The following COL23A1 variants were observed in gnomAD, a reference collection of about 807,000 sequenced individuals.
The protein encoded by COL23A1 is collagen alpha-1(XXIII) chain.
Under a neutral mutation model 99.3 loss-of-function variants are expected in COL23A1, and 97 were observed. The ratio of observed to expected loss-of-function variants is 0.98; its 90% CI spans 0.83 to 1.16. The LOEUF is 1.16. COL23A1 is among the 50% of genes most tolerant of loss of function. COL23A1 has a pLI of 0.00. For synonymous variants in COL23A1, 320 were observed against 308.2 expected (o/e 1.04, Z -0.40); for missense variants, 762 against 757.4 (o/e 1.01, Z -0.07).
rs972353051 is a variant in COL23A1, at chr5:178,589,795, CG to C, written c.294+108del. 9.3e-7 allele frequency: 1 copy of C among 1,077,018 alleles called. No individual in the cohort carries two copies. The highest frequency in any genetic ancestry group is 1.2e-6 in the Non-Finnish European group (1 of 851,334). The allele number at this position is 1,077,018 out of a possible 1,614,324, so 66.7% of individuals were successfully genotyped here. A position where few individuals can be genotyped will look rare whatever the true frequency, so the allele number is the denominator to read the frequency against. On this transcript the variant is annotated intron_variant, in intron 1 of 28. Transcript: ENST00000390654. The surrounding 1 kb of genome is among the most constrained non-coding windows in gnomAD (Gnocchi z 5.4). The stretch of plus-strand genomic sequence containing the variant: ...GACGGCCCCGAGCGCACGCAGCCGG[CG>C]GGCGACCCTCCTCCCAGAGACCTGC...
chr5:178,241,810 A>T (rs1764415425), intron 27 of COL23A1, among the ~76,000 whole-genome samples: 1 of 152,066 alleles, frequency 6.6e-6, no homozygotes, highest in Non-Finnish European at 1.5e-5. Context: ...AGCTCTACAG[A>T]GGGGCTGGGT....
intron 2 of COL23A1, among the ~76,000 whole-genome samples, chr5:178,537,819 G>A (rs1307396195): frequency 6.6e-6 from 1 of 152,246 alleles, no homozygotes; most frequent in Non-Finnish European, 1.5e-5. Flanking sequence ...GCAGCCACAA[G>A]TGCACGGCTC....
At chr5:178,572,851 AGAAT>A (rs1763175632) in intron 1 of COL23A1, among the ~76,000 whole-genome samples, 1 of 152,270 alleles carries the variant, frequency 6.6e-6, no homozygotes, top group South Asian at 2.1e-4. Context: ...GTAATGAAAA[AGAAT>A]GAATTAACTA....
intron 3 of COL23A1, among the ~76,000 whole-genome samples, chr5:178,302,454 T>C (rs1369739797): frequency 3.6e-4 from 50 of 137,140 alleles, no homozygotes; most frequent in East Asian, 6.7e-4. Flanking sequence ...CCTCTGTGTG[T>C]GCCGGAGCAC....
intron 2 of COL23A1, among the ~76,000 whole-genome samples, chr5:178,442,625 CCT>C (rs1766938244): frequency 6.6e-6 from 1 of 152,186 alleles, no homozygotes. Context: ...CGCTCAGTCC[CCT>C]GATGATTAAA....
chr5:178,314,512 A>AG (rs1758875029), intron 2 of COL23A1, among the ~76,000 whole-genome samples: 1 of 152,088 alleles, frequency 6.6e-6, no homozygotes, highest in Non-Finnish European at 1.5e-5. Context: ...CCCTGTTAGG[A>AG]GGGGCTGGGG....
In COL23A1 at chr5:178,572,072, C is replaced by CA. The variant is rs57863132; in HGVS notation, c.295-11325dup. On this transcript the variant is annotated intron_variant, in intron 1 of 28. Coordinates refer to ENST00000390654, the MANE Select transcript of COL23A1 (RefSeq NM_173465.4). Reference sequence around the variant, plus strand: ...GACAGAGCGAGACTCTTTCTCAAAACAAAAAAAAAAAAGACCTAAACTGAA... The same window carrying CA: ...GACAGAGCGAGACTCTTTCTCAAAACAAAAAAAAAAAAAGACCTAAACTGAA... 6.3e-4 allele frequency among the ~76,000 whole-genome samples: 69 copies of CA among 109,450 alleles called. 2 individuals carry two copies. Among genetic ancestry groups the CA allele is most frequent in the South Asian group, 1.8e-3 (6 of 3,362 alleles). 71.8% of individuals were successfully genotyped at this position (109,450 alleles called of 152,430 possible).
intron 2 of COL23A1, among the ~76,000 whole-genome samples, chr5:178,456,930 A>G (rs957389558): frequency 5.3e-5 from 8 of 152,230 alleles, no homozygotes; most frequent in Admixed American, 4.6e-4. Flanking sequence ...CAACAAGCCT[A>G]TGGCTGATAA....
chr5:178,378,240 C>G (rs1193643696), intron 2 of COL23A1: 1 of 152,198 alleles, frequency 6.6e-6, no homozygotes, highest in Non-Finnish European at 1.5e-5. Flanking sequence ...AAAAGAGCCA[C>G]AGTGGTAGCT....
intron 2 of COL23A1, among the ~76,000 whole-genome samples, chr5:178,535,978 C>T (rs1760917061): frequency 6.6e-6 from 1 of 152,264 alleles, no homozygotes; most frequent in African/African-American, 2.4e-5. Context: ...GGGTCATGAC[C>T]CATCAGGGCA....
At chr5:178,403,927 G>T (rs1225459055) in intron 2 of COL23A1, among the ~76,000 whole-genome samples, 1 of 152,244 alleles carries the variant, frequency 6.6e-6, no homozygotes, top group Non-Finnish European at 1.5e-5. Context: ...GGCTTGTCCA[G>T]CTTCTCGTAA....
At position 178,237,699 on chromosome 5, in the gene COL23A1, G is replaced by A. The variant is rs1489034432; in HGVS notation, c.*999C>T. The A allele has an allele frequency of 6.5e-6, 1 of 152,748 alleles. No homozygotes were observed. Among genetic ancestry groups the A allele is most frequent in the Non-Finnish European group, 1.5e-5 (1 of 68,124 alleles). The allele number at this position is 152,748 out of a possible 1,614,324, so 9.5% of individuals were successfully genotyped here. On this transcript the variant is annotated 3_prime_UTR_variant, in exon 29 of 29. Coordinates refer to ENST00000390654, the MANE Select transcript of COL23A1 (RefSeq NM_173465.4). The stretch of plus-strand genomic sequence containing the variant: ...GCAAGCAGCCAGGATGGAGCTGGTT[G>A]CTGGGAACACTTGCTGGAGGTGGAA...
At chr5:178,453,460 G>A (rs568017317) in intron 2 of COL23A1, among the ~76,000 whole-genome samples, 11 of 152,160 alleles carry the variant, frequency 7.2e-5, no homozygotes, top group Non-Finnish European at 1.5e-4. Context: ...GTAAGGGCTG[G>A]GAGGAGACTG....
chr5:178,523,144 AT>A lies in COL23A1; in HGVS notation c.361+37537del, dbSNP rs1339986225. On this transcript the variant is annotated intron_variant, in intron 2 of 28. Coordinates refer to ENST00000390654, the MANE Select transcript of COL23A1 (RefSeq NM_173465.4). The stretch of plus-strand genomic sequence containing the variant: ...GATGAAACTCTGTCTCTATTTAAAA[AT>A]ATATATATATATATATACATATATA... Among the ~76,000 whole-genome samples, 21 of 43,066 alleles carry A rather than the reference AT, an allele frequency of 4.9e-4. No individual in the cohort carries two copies. The East Asian group carries it at 0.015, about 30-fold the overall frequency. 28.3% of individuals were successfully genotyped at this position (43,066 alleles called of 152,430 possible).
At chr5:178,570,841 C>A (rs571582424) in intron 1 of COL23A1, among the ~76,000 whole-genome samples, 2 of 150,876 alleles carry the variant, frequency 1.3e-5, no homozygotes, top group Non-Finnish European at 3.0e-5. Context: ...TCAGAGTGTG[C>A]GGAACAGAGG....
At chr5:178,417,550 T>C (rs943919656) in intron 2 of COL23A1, among the ~76,000 whole-genome samples, 1 of 152,012 alleles carries the variant, frequency 6.6e-6, no homozygotes, top group African/African-American at 2.4e-5. Context: ...CCATCCCCCA[T>C]TCCCCCAGCG....
At chr5:178,527,025 G>C (rs1014171818) in intron 2 of COL23A1, among the ~76,000 whole-genome samples, 6 of 152,220 alleles carry the variant, frequency 3.9e-5, no homozygotes, top group African/African-American at 1.4e-4. Context: ...AGGACGGGGA[G>C]GGGGAAGCTG....
At chr5:178,558,195 A>G (rs1016497512) in intron 2 of COL23A1, among the ~76,000 whole-genome samples, 1 of 150,094 alleles carries the variant, frequency 6.7e-6, no homozygotes, top group African/African-American at 2.5e-5. Context: ...CCTGCTCCCC[A>G]CTCCTGATGG....
chr5:178,357,964 ATGTG>A (rs1561895344), intron 2 of COL23A1, among the ~76,000 whole-genome samples: 1 of 139,888 alleles, frequency 7.1e-6, no homozygotes, highest in Non-Finnish European at 1.6e-5. Context: ...ATATGTGTGT[ATGTG>A]TATGTGTATA....
Sources: gnomAD v4.1 joint callset for allele counts (sites outside exome capture counted in the v4.1 genomes callset) on GRCh38, gnomAD v4.1.1 for gene constraint, Gnocchi (gnomAD v3.1) non-coding constraint, MANE v1.5 for transcripts, NCBI Gene and HGNC (gene_info 2026-07-23, HGNC 2026-07-21) for gene names.